Variants in GRM8 observed in about 807,000 individuals in gnomAD.
GRM8 encodes metabotropic glutamate receptor 8.
In GRM8, 47 loss-of-function variants were observed where a neutral mutation model predicts 87.2. The observed-to-expected ratio is 0.54, with a 90% CI of 0.43 to 0.69. GRM8 has a LOEUF of 0.69. Among genes scored for constraint, GRM8 ranks in the 30% least tolerant of loss-of-function variants. The probability of loss-of-function intolerance (pLI) is 0.00; values close to 1 mark genes in which losing one functional copy is unlikely to be tolerated. For synonymous variants in GRM8, 396 were observed against 404.5 expected, an observed-to-expected ratio of 0.98 and a Z score of 0.25; for missense variants, 1,019 against 1,139.2, an observed-to-expected ratio of 0.89 and a Z score of 1.52.
intron 6 of GRM8, among the ~76,000 whole-genome samples, chr7:126,889,640 A>C (rs895846292): frequency 2.0e-5 from 3 of 152,098 alleles, no homozygotes; most frequent in Admixed American, 2.0e-4. Context: ...ATCTGAATGA[A>C]ATGTTGTTGA....
chr7:127,153,187 T>C (rs1463968837), intron 2 of GRM8, among the ~76,000 whole-genome samples: 1 of 152,094 alleles, frequency 6.6e-6, no homozygotes, highest in African/African-American at 2.4e-5. Context: ...AAGCTCATTT[T>C]TATTTATAGT....
chr7:126,857,147 C>G (rs1423875249), intron 6 of GRM8, among the ~76,000 whole-genome samples: 1 of 152,152 alleles, frequency 6.6e-6, no homozygotes. Flanking sequence ...CTAGAAGGGA[C>G]AAGGGAGAGA....
At chr7:126,768,357 T>TAAAAAAAAAAAAAAAA (rs57868820) in intron 7 of GRM8, among the ~76,000 whole-genome samples, 4 of 53,550 alleles carry the variant, frequency 7.5e-5, no homozygotes, top group Non-Finnish European at 1.2e-4. Context: ...TTTGATAATG[T>TAAAAAAAAAAAAAAAA]AAAAAAAAAA....
At chr7:127,224,369 A>G (rs1434306766) in intron 2 of GRM8, among the ~76,000 whole-genome samples, 1 of 152,228 alleles carries the variant, frequency 6.6e-6, no homozygotes, top group African/African-American at 2.4e-5. Context: ...CGCAAAATAA[A>G]CCAAGGAGGC....
intron 3 of GRM8, among the ~76,000 whole-genome samples, chr7:127,006,004 T>A (rs979168448): frequency 4.0e-5 from 6 of 151,872 alleles, no homozygotes; most frequent in African/African-American, 1.4e-4. Flanking sequence ...CGTATTTTCC[T>A]CTGGCCTCAA....
At chr7:126,598,070 T>A (rs545029717) in intron 8 of GRM8, among the ~76,000 whole-genome samples, 1 of 152,072 alleles carries the variant, frequency 6.6e-6, no homozygotes, top group East Asian at 1.9e-4. Context: ...TTAATTCCCC[T>A]CCCCCACTCC....
At chr7:126,705,773 A>T (rs1360251302) in intron 7 of GRM8, among the ~76,000 whole-genome samples, 2 of 152,218 alleles carry the variant, frequency 1.3e-5, no homozygotes, top group Non-Finnish European at 2.9e-5. Context: ...ATATTTAAAC[A>T]TCTAATCTTT....
At chr7:126,831,470 G>C (rs1371286824) in intron 6 of GRM8, among the ~76,000 whole-genome samples, 1 of 152,236 alleles carries the variant, frequency 6.6e-6, no homozygotes, top group Admixed American at 6.5e-5. Context: ...TGCTAGCAAT[G>C]AGAGAGACTC....
intron 9 of GRM8, among the ~76,000 whole-genome samples, chr7:126,477,548 A>G (rs1212316533): frequency 6.7e-6 from 1 of 148,530 alleles, no homozygotes; most frequent in Non-Finnish European, 1.5e-5. Flanking sequence ...GAGACTGAGA[A>G]AAGGAGAAGT....
At chr7:126,981,930 G>T (rs974225693) in intron 3 of GRM8, among the ~76,000 whole-genome samples, 1 of 151,938 alleles carries the variant, frequency 6.6e-6, no homozygotes, top group Non-Finnish European at 1.5e-5. Flanking sequence ...CTTATTAGTC[G>T]GGGTTCTCTA....
intron 7 of GRM8, among the ~76,000 whole-genome samples, chr7:126,623,060 T>G (rs1413404088): frequency 6.6e-6 from 1 of 152,164 alleles, no homozygotes; most frequent in African/African-American, 2.4e-5. Context: ...TGTCCAACCA[T>G]TCAATCAATT....
At chr7:126,748,705 AC>A (rs1381698887) in intron 7 of GRM8, among the ~76,000 whole-genome samples, 2 of 151,870 alleles carry the variant, frequency 1.3e-5, no homozygotes, top group Non-Finnish European at 2.9e-5. Flanking sequence ...AAAAAGAAAA[AC>A]AAAGAGAATT....
intron 7 of GRM8, among the ~76,000 whole-genome samples, chr7:126,659,575 C>T (rs923396015): frequency 1.5e-4 from 23 of 152,320 alleles, no homozygotes; most frequent in African/African-American, 5.3e-4. Flanking sequence ...GCACTACATA[C>T]TAGTATTTAA....
intron 7 of GRM8, among the ~76,000 whole-genome samples, chr7:126,634,229 T>C (rs1585303719): frequency 6.6e-6 from 1 of 152,262 alleles, no homozygotes; most frequent in East Asian, 1.9e-4. Context: ...GGCTTTTAGA[T>C]GTATCTGCAA....
At chr7:126,894,333 A>G (rs1801335663) in intron 6 of GRM8, among the ~76,000 whole-genome samples, 1 of 152,056 alleles carries the variant, frequency 6.6e-6, no homozygotes, top group Non-Finnish European at 1.5e-5. Context: ...GTTTGCCTAT[A>G]TACTCTTTTC....
intron 9 of GRM8, among the ~76,000 whole-genome samples, chr7:126,471,075 A>G (rs1350585225): frequency 2.0e-5 from 3 of 152,252 alleles, no homozygotes; most frequent in Admixed American, 2.0e-4. Context: ...AGTTCATTGT[A>G]GATTCTGGAT....
intron 7 of GRM8, among the ~76,000 whole-genome samples, chr7:126,764,650 C>G (rs1368026549): frequency 1.3e-5 from 2 of 152,042 alleles, no homozygotes; most frequent in East Asian, 3.9e-4. Context: ...TCTCTACAAT[C>G]TAACAAACGT....
At chr7:126,921,146 C>T (rs1804485037) in intron 3 of GRM8, among the ~76,000 whole-genome samples, 1 of 152,058 alleles carries the variant, frequency 6.6e-6, no homozygotes, top group African/African-American at 2.4e-5. Context: ...ACATAGATAA[C>T]TTCAAGATTA....
chr7:126,936,092 G>A (rs1454256118), intron 3 of GRM8, among the ~76,000 whole-genome samples: 6 of 152,130 alleles, frequency 3.9e-5, no homozygotes, highest in Non-Finnish European at 8.8e-5. Flanking sequence ...TCTAAATCAT[G>A]CTGCTTGGAA....
Sources: allele counts gnomAD v4.1 joint callset (sites outside exome capture counted in the v4.1 genomes callset), GRCh38; gene constraint gnomAD v4.1.1; transcripts MANE v1.5; gene names NCBI Gene and HGNC (gene_info 2026-07-23, HGNC 2026-07-21).